The following CLCC1 variants were observed in gnomAD, a reference collection of about 807,000 sequenced individuals.
CLCC1 encodes the protein chloride channel CLIC-like protein 1.
Under a neutral mutation model 63.3 loss-of-function variants are expected in CLCC1, and 39 were observed. The observed-to-expected ratio is 0.62, with a 90% CI of 0.48 to 0.81. CLCC1 has a LOEUF of 0.81. CLCC1 is among the 30% of genes least tolerant of loss of function. CLCC1 has a pLI of 0.00. For synonymous variants in CLCC1, 217 were observed against 239.8 expected, an observed-to-expected ratio of 0.90 and a Z score of 0.88; for missense variants, 549 against 669.4, an observed-to-expected ratio of 0.82 and a Z score of 1.98.
In CLCC1 at chr1:108,934,909, C is replaced by T. The variant is rs762746925; in HGVS notation, c.1417G>A (p.Glu473Lys). Reference protein sequence around the residue: ...KSPVLDTKPKETGGILGEGTP... With the variant: ...KSPVLDTKPKKTGGILGEGTP... Reference sequence around the variant, plus strand: ...CCTTCCCCCAGGATTCCACCTGTCTCCTTGGGCTTTGTATCCAAAACAGGT... The same window carrying T: ...CCTTCCCCCAGGATTCCACCTGTCTTCTTGGGCTTTGTATCCAAAACAGGT... The change falls in exon 12 of 13, where the codon GAG (glutamate) becomes AAG (lysine). Residue 473 changes from glutamate to lysine, a missense_variant. Physicochemically the swap from Glu to Lys is moderately conservative, Grantham distance 56. Transcript: ENST00000369969. 3.1e-6 allele frequency: 5 copies of T among 1,613,488 alleles called. No homozygotes were observed. Among genetic ancestry groups the T allele is most frequent in the Non-Finnish European group, 4.2e-6 (5 of 1,179,540 alleles).
chr1:108,934,365 T>C, intron 12 of CLCC1: 1 of 317,472 alleles, frequency 3.1e-6, no homozygotes. Context: ...TGTCCCCAAT[T>C]CAAACTGGCC....
At chr1:108,937,036 A>G in intron 11 of CLCC1, 41 bp downstream of exon 11, 4 of 1,358,856 alleles carry the variant, frequency 2.9e-6, no homozygotes, top group Non-Finnish European at 3.9e-6. Flanking sequence ...ATTTAGAACC[A>G]GTAATGAAGG....
At chr1:108,939,829 G>A (rs747044156) in intron 9 of CLCC1, 47 bp from the exon 10 acceptor site, 3 of 1,572,188 alleles carry the variant, frequency 1.9e-6, no homozygotes, top group Admixed American at 1.9e-5. Context: ...CAGGACTAAG[G>A]TACAGAATGC....
intron 2 of CLCC1, among the ~76,000 whole-genome samples, chr1:108,952,169 CCCT>C (rs757427974): frequency 4.7e-4 from 50 of 106,026 alleles, no homozygotes; most frequent in Admixed American, 3.9e-3. Context: ...CGAATCTCCC[CCCT>C]ATTTTTGGGT....
Position 108,939,734 on chromosome 1 carries a change from T to C in CLCC1, c.943A>G (p.Ile315Val), listed in dbSNP as rs773819901. Residue 315 changes from isoleucine to valine, a missense_variant, in exon 10 of 13, where the codon ATT (isoleucine) becomes GTT (valine). By Grantham distance (29) the Ile-to-Val change is conservative. Coordinates refer to ENST00000369969, the MANE Select transcript of CLCC1 (RefSeq NM_001377458.1). Reference protein sequence around the residue: ...TTFVTEPLKHIGKGTGEFIKA... With the variant: ...TTFVTEPLKHVGKGTGEFIKA... ...ATAAATTCCCCAGTTCCTTTTCCAATATGCTTCAATGGCTCCGTTACAAAT... is the reference window on the plus strand; with the variant it reads ...ATAAATTCCCCAGTTCCTTTTCCAACATGCTTCAATGGCTCCGTTACAAAT... The C allele has an allele frequency of 3.1e-6, 5 of 1,614,068 alleles. No individual in the cohort carries two copies. In the South Asian group the frequency reaches 4.4e-5, roughly 14 times the overall value.
At position 108,929,982 on chromosome 1, in the gene CLCC1, A is replaced by C. The variant is rs1651648348; in HGVS notation, c.*2565T>G. 4 of 1,569,346 alleles carry C rather than the reference A, an allele frequency of 2.5e-6. No homozygotes were observed. Among genetic ancestry groups the C allele is most frequent in the African/African-American group, 2.7e-5 (2 of 73,764 alleles). On this transcript the variant is annotated 3_prime_UTR_variant, in exon 13 of 13. Transcript: ENST00000369969. ...TTTTTTCCTTTCAAACACGGTAAGG[A>C]AACAATCTATTACTTTTTTCCTTAA...
intron 4 of CLCC1, among the ~76,000 whole-genome samples, chr1:108,949,304 A>G (rs1654911953): frequency 1.3e-5 from 2 of 152,208 alleles, no homozygotes; most frequent in South Asian, 4.1e-4. Context: ...CATAACGACT[A>G]CATTCACATC....
chr1:108,952,532 C>T (rs948968657), intron 2 of CLCC1, among the ~76,000 whole-genome samples: 3 of 96,838 alleles, frequency 3.1e-5, no homozygotes, highest in African/African-American at 9.4e-5. Flanking sequence ...GGTGCAGTGC[C>T]TCACGCCTGT....
intron 11 of CLCC1, among the ~76,000 whole-genome samples, chr1:108,935,835 G>T (rs1241405656): frequency 6.6e-6 from 1 of 152,090 alleles, no homozygotes; most frequent in Non-Finnish European, 1.5e-5. Flanking sequence ...ACTGTAGAAT[G>T]AACAGCAGGT....
intron 2 of CLCC1, among the ~76,000 whole-genome samples, chr1:108,958,514 G>A (rs540157621): frequency 6.6e-6 from 1 of 151,556 alleles, no homozygotes; most frequent in South Asian, 2.1e-4. Context: ...CAGTAGTAAC[G>A]ATGCTGGCAA....
At chr1:108,962,147 C>A (rs1656737481) in intron 2 of CLCC1, among the ~76,000 whole-genome samples, 162 bp downstream of exon 2, 2 of 152,050 alleles carry the variant, frequency 1.3e-5, no homozygotes, top group Non-Finnish European at 2.9e-5. Flanking sequence ...CTCCACAGAG[C>A]GGGAAATAGG....
chr1:108,934,052 TA>T (rs1260172995), intron 12 of CLCC1: 1 of 152,302 alleles, frequency 6.6e-6, no homozygotes, highest in Admixed American at 6.5e-5. Flanking sequence ...CAAGCTATGT[TA>T]TCTAAATTGC....
At chr1:108,956,600 G>A (rs964525414) in intron 2 of CLCC1, among the ~76,000 whole-genome samples, 1 of 149,940 alleles carries the variant, frequency 6.7e-6, no homozygotes, top group Admixed American at 6.6e-5. Context: ...GGCGGAAGTT[G>A]CAGTGAGGCG....
chr1:108,932,685 T>A (rs1290662319), intron 12 of CLCC1, 184 bp from the exon 13 acceptor site: 1 of 152,230 alleles, frequency 6.6e-6, no homozygotes, highest in African/African-American at 2.4e-5. Flanking sequence ...TGGGGGCATA[T>A]TCCCCAAGTC....
intron 12 of CLCC1, 52 bp downstream of exon 12, chr1:108,934,573 A>T: frequency 1.4e-6 from 2 of 1,411,602 alleles, no homozygotes; most frequent in Non-Finnish European, 1.9e-6. Flanking sequence ...GCACCTTTGT[A>T]GTAATCAGAA....
chr1:108,945,553 T>C (rs758068737), intron 5 of CLCC1, among the ~76,000 whole-genome samples: 7 of 152,146 alleles, frequency 4.6e-5, no homozygotes, highest in Non-Finnish European at 1.0e-4. Flanking sequence ...ATTATTGACT[T>C]TGGGGTTACA....
intron 10 of CLCC1, among the ~76,000 whole-genome samples, chr1:108,938,941 A>G (rs1653397051): frequency 6.6e-6 from 1 of 152,024 alleles, no homozygotes; most frequent in Admixed American, 6.6e-5. Context: ...AAGTAAGTAT[A>G]ATATGTCTGT....
chr1:108,952,452 T>C lies in CLCC1; in HGVS notation c.-11-2004A>G, dbSNP rs561524425. Among the ~76,000 whole-genome samples the C allele has an allele frequency of 3.7e-4, 57 of 152,126 alleles. 1 individual carries two copies. In the South Asian group the frequency reaches 4.4e-3, roughly 12 times the overall value. ...TCCCAAAGTACTGGGATTATAGGCA[T>C]GAGCCACAGCGCTTGGCCCCCCCTG... On this transcript the variant is annotated intron_variant, in intron 2 of 12. Coordinates refer to ENST00000369969, the MANE Select transcript of CLCC1 (RefSeq NM_001377458.1).
Position 108,941,387 on chromosome 1 carries a change from A to C in CLCC1, c.796+18T>G. On this transcript the variant is annotated intron_variant, in intron 8 of 12. Transcript: ENST00000369969. ...AGAATTTCTATTCAAAATAAGGACA[A>C]GTGCACAAACACCTTACCCCAGATA... 6.3e-7 allele frequency: 1 copy of C among 1,596,284 alleles called. No individual in the cohort carries two copies. Among genetic ancestry groups the C allele is most frequent in the Non-Finnish European group, 8.6e-7 (1 of 1,167,078 alleles).
Sources: gnomAD v4.1 joint callset for allele counts (sites outside exome capture counted in the v4.1 genomes callset) on GRCh38, gnomAD v4.1.1 for gene constraint, MANE v1.5 for transcripts, NCBI Gene and HGNC (gene_info 2026-07-23, HGNC 2026-07-21) for gene names.